ATP10B: variants seen among roughly 807,000 people sequenced by gnomAD.
ATP10B encodes the protein phospholipid-transporting ATPase VB.
A neutral mutation model predicts 141.2 loss-of-function variants in ATP10B; 122 were observed. That is an observed-to-expected ratio of 0.86 (90% CI 0.75 to 1.00). The LOEUF (loss-of-function observed/expected upper bound fraction) is 1.00, where lower values mean the gene tolerates loss of function less well. ATP10B is among the 50% of genes least tolerant of loss of function. The pLI is 0.00. For synonymous variants in ATP10B, 685 were observed against 692.0 expected, an observed-to-expected ratio of 0.99 and a Z score of 0.16; for missense variants, 1,876 against 1,825.3, an observed-to-expected ratio of 1.03 and a Z score of -0.51.
At chr5:160,703,326 A>G (rs1057302590) in intron 3 of ATP10B, among the ~76,000 whole-genome samples, 7 of 152,226 alleles carry the variant, frequency 4.6e-5, no homozygotes, top group African/African-American at 1.7e-4. Context: ...GTTTTATACT[A>G]TACTGTAGTC....
intron 3 of ATP10B, chr5:160,691,711 A>G (rs1362522999): frequency 6.6e-6 from 1 of 152,100 alleles, no homozygotes; most frequent in Non-Finnish European, 1.5e-5. Context: ...ATATGATCTG[A>G]CCCTCATCAT....
At chr5:160,636,709 C>T (rs1759405493) in intron 10 of ATP10B, among the ~76,000 whole-genome samples, 1 of 152,066 alleles carries the variant, frequency 6.6e-6, no homozygotes, top group Admixed American at 6.5e-5. Context: ...CCTTCTTATC[C>T]CATCTAATGC....
At chr5:160,737,711 T>C (rs1463834430) in intron 2 of ATP10B, among the ~76,000 whole-genome samples, 2 of 151,760 alleles carry the variant, frequency 1.3e-5, no homozygotes, top group Non-Finnish European at 2.9e-5. Flanking sequence ...ACGAGAAATA[T>C]GAGAAAAAAG....
chr5:160,621,708 T>C (rs1758358820), intron 14 of ATP10B, among the ~76,000 whole-genome samples: 1 of 152,214 alleles, frequency 6.6e-6, no homozygotes, highest in Admixed American at 6.5e-5. Context: ...TTGTACCACC[T>C]AATTATTCTC....
At chr5:160,781,875 A>C (rs1770742848) in intron 2 of ATP10B, among the ~76,000 whole-genome samples, 1 of 152,180 alleles carries the variant, frequency 6.6e-6, no homozygotes, top group South Asian at 2.1e-4. Flanking sequence ...ATTAAAGATA[A>C]ACTCTTGACT....
At chr5:160,635,194 A>C (rs1225838907) in intron 11 of ATP10B, among the ~76,000 whole-genome samples, 2 of 152,186 alleles carry the variant, frequency 1.3e-5, no homozygotes, top group African/African-American at 4.8e-5. Flanking sequence ...GTAAACCATG[A>C]CCTTTGAACA....
rs193180096 is a variant in ATP10B at position 160,628,031 on chromosome 5, G to A, written c.1620+4098C>T. On this transcript the variant is annotated intron_variant, in intron 13 of 25. Transcript: ENST00000327245. ...CATTTTCCTGGTTGCTGGGGAGCTG[G>A]AGGCTAACACTGTTTAGGGCAGTGA... Among the ~76,000 whole-genome samples, 465 of 152,346 alleles carry A rather than the reference G, an allele frequency of 3.1e-3. 2 individuals carry two copies. The highest frequency in any genetic ancestry group is 5.3e-3 in the Non-Finnish European group (358 of 68,026).
the ATP10B span, among the ~76,000 whole-genome samples, chr5:160,879,537 T>C: frequency 3.0e-5 from 4 of 134,894 alleles, no homozygotes; most frequent in East Asian, 8.5e-4. Flanking sequence ...AAAGTAAAAT[T>C]AAAAAAAAAA....
At chr5:160,863,463 C>T in the ATP10B span, among the ~76,000 whole-genome samples, 14 of 151,914 alleles carry the variant, frequency 9.2e-5, no homozygotes, top group East Asian at 1.6e-3. Context: ...GCAAAAGCTG[C>T]GTTAAGAGGA....
At chr5:160,622,327 G>C (rs1222960956) in intron 14 of ATP10B, 67 bp downstream of exon 14, 26 of 1,463,772 alleles carry the variant, frequency 1.8e-5, no homozygotes, top group Non-Finnish European at 2.4e-5. Context: ...TTCTCCCCTC[G>C]CCCCTACCCT....
intron 1 of ATP10B, among the ~76,000 whole-genome samples, chr5:160,826,900 C>T (rs1288268165): frequency 3.9e-5 from 6 of 152,242 alleles, no homozygotes; most frequent in South Asian, 4.1e-4. Flanking sequence ...TTGGTCAGAT[C>T]GGTTCTCTGC....
At chr5:160,611,917 A>G (rs184524892) in intron 18 of ATP10B, 1 of 152,336 alleles carries the variant, frequency 6.6e-6, no homozygotes, top group Admixed American at 6.5e-5. Context: ...CTCAGTGCCC[A>G]CTTCCCATCT....
intron 24 of ATP10B, among the ~76,000 whole-genome samples, chr5:160,582,287 A>T (rs977588353): frequency 6.6e-6 from 1 of 151,952 alleles, no homozygotes; most frequent in African/African-American, 2.4e-5. Flanking sequence ...GCTGCTACTG[A>T]TTTTTCCTTT....
the ATP10B span, among the ~76,000 whole-genome samples, chr5:160,909,495 T>C: frequency 6.3e-3 from 959 of 152,302 alleles, 6 homozygotes; most frequent in Admixed American, 0.01. Flanking sequence ...TATGAGGCTT[T>C]TGCAGAACCA....
the ATP10B span, among the ~76,000 whole-genome samples, chr5:160,860,113 C>T: frequency 6.0e-3 from 906 of 151,928 alleles, 11 homozygotes; most frequent in African/African-American, 0.02. Flanking sequence ...TGTTTTCCAA[C>T]GATATTCAAT....
intron 2 of ATP10B, among the ~76,000 whole-genome samples, chr5:160,728,142 T>A (rs1766488791): frequency 6.6e-6 from 1 of 152,024 alleles, no homozygotes; most frequent in African/African-American, 2.4e-5. Context: ...TTATGTAAAA[T>A]GTAGATTTAC....
At chr5:160,640,650 C>T (rs193110613) in intron 9 of ATP10B, 58 bp from the exon 10 acceptor site, 155 of 1,585,434 alleles carry the variant, frequency 9.8e-5, no homozygotes, top group Non-Finnish European at 1.3e-4. Context: ...TGTCTTACAC[C>T]ATTCCCTCAG....
chr5:160,614,814 G>A (rs1351303196), intron 17 of ATP10B, among the ~76,000 whole-genome samples: 1 of 152,198 alleles, frequency 6.6e-6, no homozygotes, highest in Admixed American at 6.5e-5. Context: ...CCAAGTCTCA[G>A]AGGAGTGTGT....
chr5:160,920,722 C>G, the ATP10B span, among the ~76,000 whole-genome samples: 1 of 152,218 alleles, frequency 6.6e-6, no homozygotes, highest in Non-Finnish European at 1.5e-5. Context: ...CGCTGCAGTG[C>G]TTCTCACACT....
Sources: allele counts gnomAD v4.1 joint callset (sites outside exome capture counted in the v4.1 genomes callset), GRCh38; gene constraint gnomAD v4.1.1; transcripts MANE v1.5; gene names NCBI Gene and HGNC (gene_info 2026-07-23, HGNC 2026-07-21).